TBC1D24: variants seen among roughly 807,000 people sequenced by gnomAD.
TBC1D24 encodes the protein Infantile myoclonic epilepsy.
TBC1D24 carries 47 observed loss-of-function variants against 50.7 expected under a neutral mutation model. The ratio of observed to expected loss-of-function variants is 0.93; its 90% confidence interval spans 0.73 to 1.18. The LOEUF (loss-of-function observed/expected upper bound fraction) is 1.18, where lower values mean the gene tolerates loss of function less well. TBC1D24 is among the 50% of genes most tolerant of loss of function. TBC1D24 has a pLI of 0.00. For synonymous variants in TBC1D24, 324 were observed against 335.2 expected, an observed-to-expected ratio of 0.97 and a Z score of 0.36; for missense variants, 688 against 766.5, an observed-to-expected ratio of 0.90 and a Z score of 1.21.
In TBC1D24 at chr16:2,496,124, G is replaced by A. The variant is rs2065734594; in HGVS notation, c.-25G>A. 3.1e-6 allele frequency: 5 copies of A among 1,613,282 alleles called. No homozygotes were observed. The highest frequency in any genetic ancestry group is 4.2e-6 in the Non-Finnish European group (5 of 1,179,866). ...TGTCCTCCCCTTCCGGCAGTCCAGG[G>A]CCTCCTCCCGAGCACAGCGGCGCTA... On this transcript the variant is annotated 5_prime_UTR_variant, in exon 2 of 8. Transcript: ENST00000646147.
rs779967150 is a variant in TBC1D24, at chr16:2,499,432, C to T, written c.1206+12C>T. On this transcript the variant is annotated intron_variant, in intron 5 of 7. Transcript: ENST00000646147. The surrounding 1 kb of genome is among the most constrained non-coding windows in gnomAD (Gnocchi z 4.0). ...CCACGCAGAAGGAGGTGAGCAGGGG[C>T]CCTGGAGCCAGGGCTGGCTCTGATG... The T allele has an allele frequency of 9.9e-6, 16 of 1,612,288 alleles. No homozygotes were observed. Among genetic ancestry groups the T allele is most frequent in the Non-Finnish European group, 1.4e-5 (16 of 1,179,184 alleles).
At chr16:2,484,303 G>C (rs776402048) in intron 1 of TBC1D24, 2 of 152,290 alleles carry the variant, frequency 1.3e-5, no homozygotes, top group Non-Finnish European at 2.9e-5. Context: ...TCACTATCGG[G>C]ATGGAGTGGT....
intron 1 of TBC1D24, among the ~76,000 whole-genome samples, chr16:2,495,368 G>A (rs549825931): frequency 2.8e-4 from 43 of 152,154 alleles, no homozygotes; most frequent in Admixed American, 1.6e-3. Context: ...AAACAAGGCC[G>A]GGCACAGTGG....
At chr16:2,488,178 G>A (rs573190349) in intron 1 of TBC1D24, among the ~76,000 whole-genome samples, 1 of 152,372 alleles carries the variant, frequency 6.6e-6, no homozygotes, top group Non-Finnish European at 1.5e-5. Context: ...CGCCTTCAGG[G>A]GGTTTGCTGC....
At chr16:2,476,001 T>C (rs1169437883) in intron 1 of TBC1D24, among the ~76,000 whole-genome samples, 10 of 152,158 alleles carry the variant, frequency 6.6e-5, no homozygotes, top group Non-Finnish European at 1.0e-4. Context: ...GGCTGTTAGG[T>C]TGGTGGCTGT....
Position 2,505,110 on chromosome 16 carries a change from G to A in TBC1D24, c.*4152G>A, listed in dbSNP as rs2065825242. The A allele has an allele frequency of 6.6e-6, 1 of 152,190 alleles. No individual in the cohort carries two copies. The highest frequency in any genetic ancestry group is 1.5e-5 in the Non-Finnish European group (1 of 68,026). 9.4% of individuals were successfully genotyped at this position (152,190 alleles called of 1,614,324 possible). On this transcript the variant is annotated 3_prime_UTR_variant, in exon 8 of 8. Transcript: ENST00000646147. ...CGTGGAGAAATTATCAAATGAAGCA[G>A]GAGTGCCAAACAAGCCTCATAGGCT...
In TBC1D24 at chr16:2,497,821, C is replaced by T. The variant is rs763339936; in HGVS notation, c.983+94C>T. 13 of 1,299,876 alleles carry T rather than the reference C, an allele frequency of 1.0e-5. No individual in the cohort carries two copies. The East Asian group carries it at 1.0e-4, about 10-fold the overall frequency. 80.5% of individuals were successfully genotyped at this position (1,299,876 alleles called of 1,614,324 possible). On this transcript the variant is annotated intron_variant, in intron 3 of 7. Coordinates refer to ENST00000646147, the MANE Select transcript of TBC1D24 (RefSeq NM_001199107.2). ...TTGCTCTGGGTCTCAGGGCTGCTCT[C>T]GTGGGCCAGCTTCAGCAGCGCTGCC...
intron 1 of TBC1D24, among the ~76,000 whole-genome samples, chr16:2,494,361 G>A (rs2065720093): frequency 6.6e-6 from 1 of 151,144 alleles, no homozygotes; most frequent in Admixed American, 6.6e-5. Context: ...GCAGTGAGCC[G>A]AGATTACGCC....
At position 2,504,040 on chromosome 16, in the gene TBC1D24, T is replaced by G. The variant is rs1445754618; in HGVS notation, c.*3082T>G. ...AAAAGAACTTATGAGAGTAAGTCAT[T>G]TGTACTTGAATTTTTTCAGAGTTTT... is the stretch of plus-strand genomic sequence containing the variant. On this transcript the variant is annotated 3_prime_UTR_variant, in exon 8 of 8. Transcript: ENST00000646147. 6.6e-6 allele frequency: 1 copy of G among 152,176 alleles called. No individual in the cohort carries two copies. Among genetic ancestry groups the G allele is most frequent in the Admixed American group, 6.5e-5 (1 of 15,278 alleles). The allele number at this position is 152,176 out of a possible 1,614,324, so 9.4% of individuals were successfully genotyped here. A position where few individuals can be genotyped will look rare whatever the true frequency, so the allele number is the denominator to read the frequency against.
chr16:2,505,643 C>T lies in TBC1D24; in HGVS notation c.*4685C>T, dbSNP rs980013126. ...AAATGTATGGATTTGCAGCACAATC[C>T]AACTTTGAAAATGTGAAAATAAGTG... On this transcript the variant is annotated 3_prime_UTR_variant, in exon 8 of 8. Transcript: ENST00000646147. 1.1e-4 allele frequency: 17 copies of T among 152,142 alleles called. No homozygotes were observed. The highest frequency in any genetic ancestry group is 4.1e-4 in the African/African-American group (17 of 41,418). The allele number at this position is 152,142 out of a possible 1,614,324, so 9.4% of individuals were successfully genotyped here.
In TBC1D24 at chr16:2,475,442, C is replaced by CACTAGCGGGTGATTTTT. The variant is rs2065558573; in HGVS notation, c.-116+272_-116+273insACTAGCGGGTGATTTTT. ...GGCCCGATCCCCGCCCGGTCGCTGG[C>CACTAGCGGGTGATTTTT]CCGCGGCCCGGCCCAGGGCATGGTG... On this transcript the variant is annotated intron_variant, in intron 1 of 7. Transcript: ENST00000646147. The surrounding 1 kb of genome is among the most constrained non-coding windows in gnomAD (Gnocchi z 4.2). Among the ~76,000 whole-genome samples, 4 of 151,950 alleles carry CACTAGCGGGTGATTTTT rather than the reference C, an allele frequency of 2.6e-5. No homozygotes were observed. The highest frequency in any genetic ancestry group is 4.4e-5 in the Non-Finnish European group (3 of 67,886).
chr16:2,490,140 C>T (rs1244649206), intron 1 of TBC1D24, among the ~76,000 whole-genome samples: 2 of 152,208 alleles, frequency 1.3e-5, no homozygotes, highest in Non-Finnish European at 2.9e-5. Flanking sequence ...CTGTCACCCT[C>T]CAGACCCACG....
intron 1 of TBC1D24, among the ~76,000 whole-genome samples, chr16:2,491,617 C>T (rs2065695796): frequency 6.7e-6 from 1 of 149,890 alleles, no homozygotes; most frequent in Admixed American, 6.7e-5. Context: ...TGCAGTGGCT[C>T]CATCTTGGCT....
intron 1 of TBC1D24, among the ~76,000 whole-genome samples, chr16:2,492,478 G>C (rs572648836): frequency 6.6e-6 from 1 of 152,278 alleles, no homozygotes; most frequent in Non-Finnish European, 1.5e-5. Context: ...GTTCTGTTTA[G>C]AAACATGTTT....
In TBC1D24 at chr16:2,500,613, G is replaced by A. The variant is rs141791946; in HGVS notation, c.1525+123G>A. ...GGCCCTGGGTGTCAGGGTGGACCAG[G>A]CATGATGGGTGGGAGGGGGCTGGAA... is the stretch of plus-strand genomic sequence containing the variant. On this transcript the variant is annotated intron_variant, in intron 7 of 7. Coordinates refer to ENST00000646147, the MANE Select transcript of TBC1D24 (RefSeq NM_001199107.2). This position sits in a 1 kb window ranked among gnomAD's most constrained non-coding sequence, Gnocchi z 8.0. 2,343 of 1,303,246 alleles carry A rather than the reference G, an allele frequency of 1.8e-3. 18 individuals carry two copies. The highest frequency in any genetic ancestry group is 0.014 in the Middle Eastern group (51 of 3,738). The allele number at this position is 1,303,246 out of a possible 1,614,324, so 80.7% of individuals were successfully genotyped here. A position where few individuals can be genotyped will look rare whatever the true frequency, so the allele number is the denominator to read the frequency against.
chr16:2,501,150 G>C lies in TBC1D24; in HGVS notation c.*192G>C, dbSNP rs2141878506. 1.5e-6 allele frequency: 1 copy of C among 685,500 alleles called. No individual in the cohort carries two copies. The highest frequency in any genetic ancestry group is 1.9e-5 in the South Asian group (1 of 53,592). 42.5% of individuals were successfully genotyped at this position (685,500 alleles called of 1,614,324 possible). A position where few individuals can be genotyped will look rare whatever the true frequency, so the allele number is the denominator to read the frequency against. Reference sequence around the variant, plus strand: ...CTGGGGTTTGGGCTGGGCTTCCCCAGTCCACCTGCATCTGGGTCAGAGCTG... The same window carrying C: ...CTGGGGTTTGGGCTGGGCTTCCCCACTCCACCTGCATCTGGGTCAGAGCTG... On this transcript the variant is annotated 3_prime_UTR_variant, in exon 8 of 8. Transcript: ENST00000646147.
intron 1 of TBC1D24, among the ~76,000 whole-genome samples, chr16:2,490,687 C>A (rs2065688462): frequency 6.6e-6 from 1 of 152,224 alleles, no homozygotes; most frequent in African/African-American, 2.4e-5. Flanking sequence ...ATCGGCTCCG[C>A]TCTGCAGACA....
At chr16:2,488,752 CTT>C (rs112675396) in intron 1 of TBC1D24, among the ~76,000 whole-genome samples, 4 of 120,450 alleles carry the variant, frequency 3.3e-5, no homozygotes, top group African/African-American at 3.0e-5. Context: ...CACCTGGCTG[CTT>C]TTTTTTTTTT....
At chr16:2,491,959 C>A (rs1268542283) in intron 1 of TBC1D24, among the ~76,000 whole-genome samples, 1 of 152,082 alleles carries the variant, frequency 6.6e-6, no homozygotes, top group Non-Finnish European at 1.5e-5. Flanking sequence ...CCCGTTCAGC[C>A]TCCCAAATAG....
Sources: gnomAD v4.1 joint callset for allele counts (sites outside exome capture counted in the v4.1 genomes callset) on GRCh38, gnomAD v4.1.1 for gene constraint, Gnocchi (gnomAD v3.1) non-coding constraint, MANE v1.5 for transcripts, NCBI Gene and HGNC (gene_info 2026-07-23, HGNC 2026-07-21) for gene names.